The following MED27 variants were observed in gnomAD, a reference collection of about 807,000 sequenced individuals.
The protein encoded by MED27 is mediator of RNA polymerase II transcription subunit 27.
MED27 carries 30 observed loss-of-function variants against 38.2 expected under a neutral mutation model. The ratio of observed to expected loss-of-function variants is 0.79; its 90% CI spans 0.59 to 1.07. The LOEUF is 1.07. MED27 is among the 50% of genes least tolerant of loss of function. The pLI is 0.00. For synonymous variants in MED27, 122 were observed against 153.5 expected, an observed-to-expected ratio of 0.79 and a Z score of 1.52; for missense variants, 289 against 397.5, an observed-to-expected ratio of 0.73 and a Z score of 2.32.
At chr9:131,874,309 C>T (rs1171411843) in intron 6 of MED27, among the ~76,000 whole-genome samples, 1 of 152,212 alleles carries the variant, frequency 6.6e-6, no homozygotes, top group African/African-American at 2.4e-5. Context: ...CTGCACACCC[C>T]CGCCGGGCAC....
Position 132,016,018 on chromosome 9 carries a change from C to G in MED27, c.349-1551G>C, listed in dbSNP as rs560306458. On this transcript the variant is annotated intron_variant, in intron 2 of 7. Transcript: ENST00000292035. ...TTCTAAAGCTCTGAATCAATTTCTT[C>G]TCAAAATGCTCTTCCAAGGCACAGA... 3.3e-5 allele frequency among the ~76,000 whole-genome samples: 5 copies of G among 152,324 alleles called. No individual in the cohort carries two copies. In the South Asian group the frequency reaches 1.0e-3, roughly 32 times the overall value.
chr9:132,025,244 G>A (rs1215584772), intron 2 of MED27, among the ~76,000 whole-genome samples: 1 of 151,082 alleles, frequency 6.6e-6, no homozygotes, highest in Non-Finnish European at 1.5e-5. Context: ...GCAATGGTGT[G>A]ATCTCCTCTC....
chr9:132,050,572 G>C (rs1477182170), intron 2 of MED27, among the ~76,000 whole-genome samples: 1 of 152,240 alleles, frequency 6.6e-6, no homozygotes. Context: ...ATAAGTTATA[G>C]ATATCAAGAG....
At chr9:132,063,810 C>A (rs2131154137) in intron 2 of MED27, among the ~76,000 whole-genome samples, 1 of 152,268 alleles carries the variant, frequency 6.6e-6, no homozygotes, top group Admixed American at 6.5e-5. Flanking sequence ...AAAACTTAGA[C>A]CTACTGGGCA....
chr9:131,983,027 G>C (rs1002158331), intron 3 of MED27, among the ~76,000 whole-genome samples: 1 of 152,314 alleles, frequency 6.6e-6, no homozygotes, highest in African/African-American at 2.4e-5. Flanking sequence ...GTTCCCAGGA[G>C]ACCATGCTGC....
At chr9:131,981,499 C>A (rs932894995) in intron 3 of MED27, among the ~76,000 whole-genome samples, 1 of 152,190 alleles carries the variant, frequency 6.6e-6, no homozygotes, top group Non-Finnish European at 1.5e-5. Flanking sequence ...TTTGTGAGAA[C>A]CAATCCTAAC....
intron 5 of MED27, among the ~76,000 whole-genome samples, chr9:131,886,431 C>T (rs1356535426): frequency 6.6e-6 from 1 of 152,120 alleles, no homozygotes; most frequent in Non-Finnish European, 1.5e-5. Context: ...CCACTTCTCC[C>T]TACCCCCACT....
intron 2 of MED27, among the ~76,000 whole-genome samples, chr9:132,038,670 A>T (rs1445647470): frequency 6.6e-6 from 1 of 152,260 alleles, no homozygotes; most frequent in Non-Finnish European, 1.5e-5. Flanking sequence ...CTTACTGAGA[A>T]GATGACACCT....
chr9:131,931,305 T>C (rs544616128), intron 4 of MED27, among the ~76,000 whole-genome samples: 1 of 151,970 alleles, frequency 6.6e-6, no homozygotes, highest in South Asian at 2.1e-4. Context: ...GATTATAAGA[T>C]AGTATTTGCA....
At chr9:131,915,362 T>G (rs563094484) in intron 4 of MED27, among the ~76,000 whole-genome samples, 1 of 152,310 alleles carries the variant, frequency 6.6e-6, no homozygotes, top group East Asian at 1.9e-4. Context: ...TTGAAAGAAC[T>G]GGACATAGAT....
Position 131,868,552 on chromosome 9 carries a change from A to C in MED27, c.724-5412T>G, listed in dbSNP as rs549237766. 104 of 980,798 alleles carry C rather than the reference A, an allele frequency of 1.1e-4. No homozygotes were observed. The Admixed American group carries it at 1.3e-3, about 12-fold the overall frequency. The allele number at this position is 980,798 out of a possible 1,614,324, so 60.8% of individuals were successfully genotyped here. On this transcript the variant is annotated intron_variant, in intron 6 of 7. Coordinates refer to ENST00000292035, the MANE Select transcript of MED27 (RefSeq NM_004269.4). ...CAGCCTGACAAAGTGCTGGGATTAC[A>C]GGCGTGCGCCACTGCGCCCGGCCCA...
intron 6 of MED27, among the ~76,000 whole-genome samples, chr9:131,876,418 T>C (rs1000368324): frequency 6.6e-6 from 1 of 152,188 alleles, no homozygotes; most frequent in Non-Finnish European, 1.5e-5. Flanking sequence ...TCCTGGGCCA[T>C]GCTCACACTC....
At chr9:132,000,823 T>A (rs1832213583) in intron 3 of MED27, among the ~76,000 whole-genome samples, 1 of 151,740 alleles carries the variant, frequency 6.6e-6, no homozygotes, top group Non-Finnish European at 1.5e-5. Flanking sequence ...TGGGCTCAAG[T>A]GCTCCTTCTG....
chr9:131,906,457 C>T (rs1312864949), intron 4 of MED27, among the ~76,000 whole-genome samples: 1 of 152,186 alleles, frequency 6.6e-6, no homozygotes, highest in African/African-American at 2.4e-5. Flanking sequence ...GAAAGGAGGT[C>T]GGACAGGTGG....
At position 132,030,122 on chromosome 9, in the gene MED27, G is replaced by A. The variant is rs762059400; in HGVS notation, c.349-15655C>T. Among the ~76,000 whole-genome samples the A allele has an allele frequency of 4.5e-4, 68 of 152,216 alleles. 1 individual carries two copies. The highest frequency in any genetic ancestry group is 6.2e-4 in the South Asian group (3 of 4,834). On this transcript the variant is annotated intron_variant, in intron 2 of 7. Transcript: ENST00000292035. ...GTTACTGGTCCATCTGTTGGAGGTG[G>A]CACAAGCCTGACCAGTGTTAGGGGA... is the stretch of plus-strand genomic sequence containing the variant.
chr9:132,072,058 G>C (rs1434675760), intron 2 of MED27, among the ~76,000 whole-genome samples: 4 of 152,102 alleles, frequency 2.6e-5, no homozygotes, highest in Non-Finnish European at 5.9e-5. Flanking sequence ...ACAGGCACTT[G>C]CGTAACACAC....
chr9:132,079,333 C>G (rs1178369848), intron 1 of MED27, among the ~76,000 whole-genome samples: 1 of 152,134 alleles, frequency 6.6e-6, no homozygotes, highest in African/African-American at 2.4e-5. Context: ...GGTGAGAAAC[C>G]TGCCAAGCTC....
intron 2 of MED27, among the ~76,000 whole-genome samples, chr9:132,052,517 G>A (rs993001680): frequency 1.3e-5 from 2 of 152,102 alleles, no homozygotes; most frequent in African/African-American, 4.8e-5. Context: ...GGTGCAGTGA[G>A]AGTTTCCACA....
chr9:131,960,631 A>C (rs1003836976), intron 3 of MED27, among the ~76,000 whole-genome samples: 4 of 152,228 alleles, frequency 2.6e-5, no homozygotes, highest in Non-Finnish European at 5.9e-5. Flanking sequence ...ATGGGAGATA[A>C]TCATTCCATT....
Sources: allele counts gnomAD v4.1 joint callset (sites outside exome capture counted in the v4.1 genomes callset), GRCh38; gene constraint gnomAD v4.1.1; transcripts MANE v1.5; gene names NCBI Gene and HGNC (gene_info 2026-07-23, HGNC 2026-07-21).